Variants in TFCP2L1 observed in about 807,000 individuals in gnomAD.
TFCP2L1 encodes the protein transcription factor CP2-like protein 1.
In TFCP2L1, 12 loss-of-function variants were observed where a neutral mutation model predicts 72.2. The ratio of observed to expected loss-of-function variants is 0.17; its 90% confidence interval spans 0.11 to 0.27. The LOEUF (loss-of-function observed/expected upper bound fraction) is 0.27, where lower values mean the gene tolerates loss of function less well. TFCP2L1 is among the 10% of genes least tolerant of loss of function. The pLI is 1.00. For synonymous variants in TFCP2L1, 260 were observed against 251.0 expected (o/e 1.04, Z -0.34); for missense variants, 488 against 624.6 (o/e 0.78, Z 2.33).
At chr2:121,271,127 T>C (rs1360829188) in intron 2 of TFCP2L1, among the ~76,000 whole-genome samples, 4 of 146,548 alleles carry the variant, frequency 2.7e-5, no homozygotes, top group Admixed American at 2.7e-4. Flanking sequence ...GAGGAAAAGA[T>C]TGCAGTGAGC....
In TFCP2L1 at chr2:121,224,293, G is replaced by A. The variant is rs1347691139; in HGVS notation, c.*48C>T. ...AGTGGGGCAATGTCTACATCCACGGGGATCCACAGGGCTGGGAGCTGGAGA... is the reference window on the plus strand; with the variant it reads ...AGTGGGGCAATGTCTACATCCACGGAGATCCACAGGGCTGGGAGCTGGAGA... On this transcript the variant is annotated 3_prime_UTR_variant, in exon 15 of 15. Transcript: ENST00000263707. 2.5e-6 allele frequency: 4 copies of A among 1,609,394 alleles called. No homozygotes were observed. The highest frequency in any genetic ancestry group is 2.2e-5 in the South Asian group (2 of 90,406).
chr2:121,275,514 C>T (rs1687129536), intron 2 of TFCP2L1, among the ~76,000 whole-genome samples: 1 of 148,464 alleles, frequency 6.7e-6, no homozygotes, highest in African/African-American at 2.5e-5. Context: ...GAAACAACCA[C>T]ATAAAGCATA....
chr2:121,246,644 G>A (rs949934799), intron 6 of TFCP2L1, among the ~76,000 whole-genome samples, 174 bp downstream of exon 6: 4 of 152,204 alleles, frequency 2.6e-5, no homozygotes, highest in Non-Finnish European at 5.9e-5. Flanking sequence ...AGCAGCCTGT[G>A]GTGCCTGGAC....
chr2:121,250,186 C>T (rs1310499179), intron 2 of TFCP2L1, among the ~76,000 whole-genome samples: 1 of 152,150 alleles, frequency 6.6e-6, no homozygotes, highest in East Asian at 1.9e-4. Flanking sequence ...GGACATATAA[C>T]TAGCACAGGC....
At position 121,246,799 on chromosome 2, in the gene TFCP2L1, G is replaced by A; in HGVS notation, c.657+19C>T. 6.2e-7 allele frequency: 1 copy of A among 1,613,952 alleles called. No homozygotes were observed. Among genetic ancestry groups the A allele is most frequent in the Non-Finnish European group, 8.5e-7 (1 of 1,179,878 alleles). On this transcript the variant is annotated intron_variant, in intron 6 of 14. Coordinates refer to ENST00000263707, the MANE Select transcript of TFCP2L1 (RefSeq NM_014553.3). ...CAGGCCAGCAGCAGGGCACGGCAGA[G>A]CCTGCGAAGCCATCCTACCTTGAAC...
intron 12 of TFCP2L1, among the ~76,000 whole-genome samples, chr2:121,233,620 T>C (rs1008168744): frequency 1.8e-4 from 27 of 152,056 alleles, no homozygotes; most frequent in Admixed American, 1.8e-3. Context: ...CAAACCAAGC[T>C]GCCAGCAAAA....
chr2:121,224,721 G>A (rs4988983), intron 14 of TFCP2L1, among the ~76,000 whole-genome samples: 50,626 of 152,012 alleles, frequency 0.33, 8,798 homozygotes, highest in South Asian at 0.47. Context: ...GGTGGCTCAC[G>A]CCTGTAATCC....
At chr2:121,245,157 G>T (rs908866498) in intron 6 of TFCP2L1, among the ~76,000 whole-genome samples, 1 of 152,204 alleles carries the variant, frequency 6.6e-6, no homozygotes, top group African/African-American at 2.4e-5. Context: ...ACAAAAGGAA[G>T]AGGGAGGTAG....
At chr2:121,235,134 C>T in intron 11 of TFCP2L1, 87 bp downstream of exon 11, 1 of 1,432,722 alleles carries the variant, frequency 7.0e-7, no homozygotes, top group Non-Finnish European at 9.8e-7. Context: ...AGACCACCCA[C>T]CATCCAAAAG....
At chr2:121,230,934 A>AAAAT (rs1024604139) in intron 13 of TFCP2L1, among the ~76,000 whole-genome samples, 2 of 152,152 alleles carry the variant, frequency 1.3e-5, no homozygotes, top group African/African-American at 4.8e-5. Flanking sequence ...TAAAAATTTT[A>AAAAT]AAATAAATAA....
At chr2:121,252,215 A>T (rs1686627081) in intron 2 of TFCP2L1, among the ~76,000 whole-genome samples, 1 of 152,116 alleles carries the variant, frequency 6.6e-6, no homozygotes, top group African/African-American at 2.4e-5. Context: ...TGCCTGGCTA[A>T]TTTTTTATTT....
At chr2:121,257,401 T>A (rs1404326283) in intron 2 of TFCP2L1, among the ~76,000 whole-genome samples, 6 of 152,186 alleles carry the variant, frequency 3.9e-5, no homozygotes, top group African/African-American at 1.4e-4. Flanking sequence ...GCCTGGTTCC[T>A]GCCCAAGGGC....
chr2:121,261,060 C>T lies in TFCP2L1; in HGVS notation c.215-11413G>A, dbSNP rs1215920217. Among the ~76,000 whole-genome samples, 3 of 152,206 alleles carry T rather than the reference C, an allele frequency of 2.0e-5. No individual in the cohort carries two copies. The East Asian group carries it at 5.8e-4, about 29-fold the overall frequency. The stretch of plus-strand genomic sequence containing the variant: ...ATCGTGCCCAGCACACACGGCTGAC[C>T]TTGTCTCTTGCACATGTGCAATACT... On this transcript the variant is annotated intron_variant, in intron 2 of 14. Transcript: ENST00000263707.
At chr2:121,249,682 G>A (rs1686565765) in intron 2 of TFCP2L1, 35 bp from the exon 3 acceptor site, 1 of 1,608,316 alleles carries the variant, frequency 6.2e-7, no homozygotes, top group East Asian at 2.2e-5. Flanking sequence ...TTCCATTTCT[G>A]AGTATTTCTA....
chr2:121,233,655 C>T (rs115955100), intron 12 of TFCP2L1, among the ~76,000 whole-genome samples: 250 of 152,238 alleles, frequency 1.6e-3, no homozygotes, highest in African/African-American at 5.7e-3. Context: ...CCCAGGCTGA[C>T]GCCTTTCACC....
At chr2:121,245,170 G>A (rs1349282091) in intron 6 of TFCP2L1, among the ~76,000 whole-genome samples, 2 of 152,116 alleles carry the variant, frequency 1.3e-5, no homozygotes, top group African/African-American at 2.4e-5. Context: ...GGAGGTAGAC[G>A]AGGAGGTTGG....
At chr2:121,274,225 A>G (rs1687102487) in intron 2 of TFCP2L1, among the ~76,000 whole-genome samples, 1 of 152,290 alleles carries the variant, frequency 6.6e-6, no homozygotes, top group South Asian at 2.1e-4. Flanking sequence ...TGGGGGGATA[A>G]AATCATGCCT....
At chr2:121,279,967 G>A (rs756382135) in intron 2 of TFCP2L1, among the ~76,000 whole-genome samples, 1 of 152,108 alleles carries the variant, frequency 6.6e-6, no homozygotes, top group Non-Finnish European at 1.5e-5. Context: ...TCCACATGAT[G>A]CCAGGGTGGT....
chr2:121,231,426 G>A (rs1488333486), intron 13 of TFCP2L1, among the ~76,000 whole-genome samples: 1 of 152,180 alleles, frequency 6.6e-6, no homozygotes, highest in Non-Finnish European at 1.5e-5. Flanking sequence ...AGAGGCCTCT[G>A]CTCTCCTCTC....
Sources: gnomAD v4.1 joint callset for allele counts (sites outside exome capture counted in the v4.1 genomes callset) on GRCh38, gnomAD v4.1.1 for gene constraint, MANE v1.5 for transcripts, NCBI Gene and HGNC (gene_info 2026-07-23, HGNC 2026-07-21) for gene names.